RADX: variants seen among roughly 807,000 people sequenced by gnomAD.
RADX encodes the protein RPA1 related single stranded DNA binding protein, X-linked.
In RADX, 36 loss-of-function variants were observed where a neutral mutation model predicts 61.6. That is an observed-to-expected ratio of 0.58 (90% CI 0.45 to 0.77). The LOEUF (loss-of-function observed/expected upper bound fraction) is 0.77, where lower values mean the gene tolerates loss of function less well. RADX is among the 30% of genes least tolerant of loss of function. The probability of loss-of-function intolerance (pLI) is 0.00; values close to 1 mark genes in which losing one functional copy is unlikely to be tolerated. For missense variants in RADX, 497 were observed against 651.1 expected, an observed-to-expected ratio of 0.76 and a Z score of 2.58; for synonymous variants, 272 against 237.9, an observed-to-expected ratio of 1.14 and a Z score of -1.32.
At chrX:106,661,747 G>A (rs1038216873) in intron 11 of RADX, among the ~76,000 whole-genome samples, 6 of 111,778 alleles carry the variant, frequency 5.4e-5, no homozygotes, top group African/African-American at 2.0e-4. Context: ...TAGAAAGAAC[G>A]TAATTACAAA....
rs185409014 is a variant in RADX, at chrX:106,629,201, G to T, written c.980-3424G>T. ...GAATTTTTGATTTTGGCGGGCAGGG[G>T]CTATTTCTTTAATTCGGAACCCTAG... On this transcript the variant is annotated intron_variant, in intron 3 of 13. Coordinates refer to ENST00000372548, the MANE Select transcript of RADX (RefSeq NM_018015.6). Among the ~76,000 whole-genome samples, 264 of 111,511 alleles carry T rather than the reference G, an allele frequency of 2.4e-3. 3 individuals are homozygous for T. The highest frequency in any genetic ancestry group is 8.4e-3 in the African/African-American group (257 of 30,730).
In RADX at chrX:106,638,907, T is replaced by C. The variant is rs182511584; in HGVS notation, c.1574-620T>C. On this transcript the variant is annotated intron_variant, in intron 8 of 13. Transcript: ENST00000372548. The stretch of plus-strand genomic sequence containing the variant: ...GTATTATGCGACTCTTGTGGAATGA[T>C]ATATATTGTGTTTAACACAATTGAG... 6.7e-4 allele frequency among the ~76,000 whole-genome samples: 75 copies of C among 111,329 alleles called. 2 individuals carry two copies. Among genetic ancestry groups the C allele is most frequent in the Admixed American group, 5.3e-3 (56 of 10,507 alleles).
intron 1 of RADX, among the ~76,000 whole-genome samples, chrX:106,617,024 T>TG (rs1569422223): frequency 5.5e-5 from 5 of 91,733 alleles, no homozygotes; most frequent in Non-Finnish European, 1.1e-4. Flanking sequence ...GTGTGGGTTT[T>TG]TTTTTTTTTT....
intron 12 of RADX, among the ~76,000 whole-genome samples, chrX:106,663,251 T>C (rs1928147949): frequency 9.0e-6 from 1 of 111,621 alleles, no homozygotes; most frequent in Non-Finnish European, 1.9e-5. Context: ...GATTCTCTTT[T>C]CCCTTTTATT....
chrX:106,651,079 T>C (rs1052419343), intron 11 of RADX, among the ~76,000 whole-genome samples: 1 of 110,769 alleles, frequency 9.0e-6, no homozygotes, highest in Admixed American at 9.7e-5. Context: ...TAAAAATGAA[T>C]TATTAAATTG....
chrX:106,645,979 G>C (rs1227456478), intron 10 of RADX, among the ~76,000 whole-genome samples: 2 of 110,272 alleles, frequency 1.8e-5, no homozygotes. Context: ...TGTCTTGCTG[G>C]ATTGACTCCT....
chrX:106,659,141 T>TATG (rs770073469), intron 11 of RADX, among the ~76,000 whole-genome samples: 1 of 110,480 alleles, frequency 9.1e-6, no homozygotes, highest in Admixed American at 9.7e-5. Context: ...TTACTATTAC[T>TATG]ATTATTATTA....
chrX:106,625,131 G>T lies in RADX; in HGVS notation c.828G>T (p.Val276=). The part of the protein sequence containing the change: ...EVADSSGTVS[V]IMWNALCPEW... ...CTGACAGTTCAGGCACAGTGTCAGT[G>T]ATTATGTGGAATGCCCTGTGTCCTG... The change falls in exon 3 of 14, where the codon GTG becomes GTT. Residue 276 remains valine (V), a synonymous_variant. Transcript: ENST00000372548. The T allele has an allele frequency of 4.2e-6, 5 of 1,201,185 alleles. No homozygotes were observed. Among genetic ancestry groups the T allele is most frequent in the Non-Finnish European group, 5.6e-6 (5 of 891,171 alleles).
intron 2 of RADX, among the ~76,000 whole-genome samples, chrX:106,623,188 G>A (rs1381271873): frequency 9.0e-6 from 1 of 110,928 alleles, no homozygotes; most frequent in Non-Finnish European, 1.9e-5. Flanking sequence ...TAAGCTTCTT[G>A]AAGAAGTAGT....
chrX:106,639,079 T>A lies in RADX; in HGVS notation c.1574-448T>A, dbSNP rs183805893. 6.7e-3 allele frequency among the ~76,000 whole-genome samples: 746 copies of A among 111,723 alleles called. 4 individuals are homozygous for A. Among genetic ancestry groups the A allele is most frequent in the African/African-American group, 0.023 (707 of 30,724 alleles). Reference sequence around the variant, plus strand: ...AGTTTAGCACAAGCATGTTCTTTTTTAAAAAGCTATGAGATAATTGCATGG... The same window carrying A: ...AGTTTAGCACAAGCATGTTCTTTTTAAAAAAGCTATGAGATAATTGCATGG... On this transcript the variant is annotated intron_variant, in intron 8 of 13. Coordinates refer to ENST00000372548, the MANE Select transcript of RADX (RefSeq NM_018015.6).
intron 1 of RADX, among the ~76,000 whole-genome samples, chrX:106,615,452 T>A (rs1926779704): frequency 8.9e-6 from 1 of 111,748 alleles, no homozygotes; most frequent in Non-Finnish European, 1.9e-5. Flanking sequence ...GCAACCAGCC[T>A]TCTTTTTGAT....
intron 8 of RADX, 104 bp from the exon 9 acceptor site, chrX:106,639,423 A>G: frequency 1.5e-6 from 1 of 660,963 alleles, no homozygotes; most frequent in Non-Finnish European, 2.2e-6. Flanking sequence ...CAGTTAATGT[A>G]GTAAGTTTAT....
intron 1 of RADX, among the ~76,000 whole-genome samples, chrX:106,614,542 C>T (rs1926754104): frequency 8.9e-6 from 1 of 112,062 alleles, no homozygotes; most frequent in Admixed American, 9.4e-5. Context: ...GGCGAAATTG[C>T]TGGCTTAAAA....
At chrX:106,677,457 G>A (rs1486670355) in intron 13 of RADX, among the ~76,000 whole-genome samples, 1 of 109,687 alleles carries the variant, frequency 9.1e-6, no homozygotes, top group East Asian at 2.9e-4. Flanking sequence ...AGAAGGACAG[G>A]GCCCTGGAAC....
intron 13 of RADX, among the ~76,000 whole-genome samples, chrX:106,671,079 C>G (rs1928350079): frequency 9.0e-6 from 1 of 111,662 alleles, no homozygotes; most frequent in Non-Finnish European, 1.9e-5. Context: ...TTTCCACCAA[C>G]TCACTCACCT....
At chrX:106,674,580 G>A (rs1249510749) in intron 13 of RADX, among the ~76,000 whole-genome samples, 2 of 111,762 alleles carry the variant, frequency 1.8e-5, no homozygotes, top group Admixed American at 9.5e-5. Flanking sequence ...CTTTTCATGT[G>A]CTTGCTGCCC....
At position 106,679,439 on chromosome X, in the gene RADX, A is replaced by G. The variant is rs776403578; in HGVS notation, c.*1181A>G. 1.1e-3 allele frequency: 127 copies of G among 112,275 alleles called. 1 individual carries two copies. In the Admixed American group the frequency reaches 0.011, roughly 10 times the overall value. The allele number at this position is 112,275 out of a possible 1,213,427, so 9.3% of individuals were successfully genotyped here. On this transcript the variant is annotated 3_prime_UTR_variant, in exon 14 of 14. Coordinates refer to ENST00000372548, the MANE Select transcript of RADX (RefSeq NM_018015.6). ...GAATTATTAAAGAAGTTAAAATGCA[A>G]TAACTTTTTGGTCTCCTGTCTCATT...
Position 106,678,158 on chromosome X carries a change from A to G in RADX, c.2468A>G (p.Asp823Gly). The G allele has an allele frequency of 8.5e-7, 1 of 1,177,817 alleles. No individual in the cohort carries two copies. The highest frequency in any genetic ancestry group is 1.2e-6 in the Non-Finnish European group (1 of 864,960). ...ATTATAAAAGCAGCAACTGAACTGG[A>G]TAGAGTGCATATCGTCGGTATCTTG... ...GDIIKAATEL[D>G]RVHIVGILDI... The change falls in exon 14 of 14, where the codon GAT becomes GGT. Residue 823 changes from aspartate (D) to glycine (G), a missense_variant. Coordinates refer to ENST00000372548, the MANE Select transcript of RADX (RefSeq NM_018015.6).
intron 13 of RADX, among the ~76,000 whole-genome samples, chrX:106,677,068 C>A (rs1471966836): frequency 1.4e-4 from 16 of 112,252 alleles, no homozygotes; most frequent in Admixed American, 1.0e-3. Flanking sequence ...TTCAGCAATG[C>A]CACCACCAGA....
Sources: gnomAD v4.1 joint callset for allele counts (sites outside exome capture counted in the v4.1 genomes callset) on GRCh38, gnomAD v4.1.1 for gene constraint, MANE v1.5 for transcripts, NCBI Gene and HGNC (gene_info 2026-07-23, HGNC 2026-07-21) for gene names.